Variants in PRRC2C observed in about 807,000 individuals in gnomAD.
The protein encoded by PRRC2C is protein PRRC2C.
A neutral mutation model predicts 317.2 loss-of-function variants in PRRC2C; 72 were observed. The ratio of observed to expected loss-of-function variants is 0.23; its 90% CI spans 0.19 to 0.28. PRRC2C has a LOEUF of 0.28. Ranked by LOEUF, PRRC2C falls within the 10% of genes least tolerant of loss-of-function variation. The probability of loss-of-function intolerance (pLI) is 1.00; values close to 1 mark genes in which losing one functional copy is unlikely to be tolerated. For missense variants in PRRC2C, 3,074 were observed against 3,459.7 expected (o/e 0.89, Z 2.80); for synonymous variants, 1,296 against 1,205.9 (o/e 1.07, Z -1.55).
chr1:171,548,625 A>G (rs919637033), intron 17 of PRRC2C, among the ~76,000 whole-genome samples: 9 of 152,250 alleles, frequency 5.9e-5, no homozygotes, highest in African/African-American at 2.2e-4. Context: ...AAAAAATTAC[A>G]TCACCTGAGG....
At chr1:171,527,281 C>T (rs1322458825) in intron 10 of PRRC2C, among the ~76,000 whole-genome samples, 11 of 149,694 alleles carry the variant, frequency 7.3e-5, no homozygotes, top group South Asian at 6.5e-4. Context: ...TACAGGCACC[C>T]GCCACCACGC....
intron 12 of PRRC2C, among the ~76,000 whole-genome samples, 165 bp from the exon 13 acceptor site, chr1:171,535,263 T>TA: frequency 6.6e-6 from 1 of 152,358 alleles, no homozygotes; most frequent in East Asian, 1.9e-4. Context: ...AATCTAATGT[T>TA]ACCTCATTGA....
intron 1 of PRRC2C, among the ~76,000 whole-genome samples, chr1:171,492,778 A>T (rs566085862): frequency 8.6e-5 from 13 of 151,772 alleles, no homozygotes; most frequent in Admixed American, 5.9e-4. Flanking sequence ...TTAGAGACAG[A>T]GTCTCTCTCT....
At chr1:171,566,952 CTA>C (rs1683772851) in intron 22 of PRRC2C, 109 bp downstream of exon 22, 2 of 1,195,306 alleles carry the variant, frequency 1.7e-6, no homozygotes, top group Non-Finnish European at 2.3e-6. Flanking sequence ...GCATATAACT[CTA>C]TAGATTATTT....
rs369345308 is a variant in PRRC2C at position 171,584,149 on chromosome 1, C to A, written c.7603C>A (p.Leu2535Ile). Reference sequence around the variant, plus strand: ...ACATCAACTGGGGCAGGCATCAGGACTAGGAGGTTCCCAGCTGATTGACAC... The same window carrying A: ...ACATCAACTGGGGCAGGCATCAGGAATAGGAGGTTCCCAGCTGATTGACAC... ...YEHQLGQASGLGGSQLIDTHL... is the reference protein window; with the variant it reads ...YEHQLGQASGIGGSQLIDTHL... Residue 2535 changes from leucine (L) to isoleucine (I), a missense_variant, in exon 29 of 35, where the codon CTA (leucine) becomes ATA (isoleucine). Physicochemically the swap from Leu to Ile is conservative, Grantham distance 5. Around this residue, in one of 11 missense-constraint regions of PRRC2C, gnomAD observed 490 missense variants for 663.1 expected, o/e 0.74. Coordinates refer to ENST00000647382, the MANE Select transcript of PRRC2C (RefSeq NM_001387844.1). 7.1e-5 allele frequency: 115 copies of A among 1,613,814 alleles called. 1 individual carries two copies. The highest frequency in any genetic ancestry group is 9.4e-5 in the Non-Finnish European group (111 of 1,179,826).
At chr1:171,585,055 G>A (rs762788326) in intron 30 of PRRC2C, among the ~76,000 whole-genome samples, 1 of 152,088 alleles carries the variant, frequency 6.6e-6, no homozygotes, top group Non-Finnish European at 1.5e-5. Flanking sequence ...GGGATTACAG[G>A]CTTGAGCCAC....
chr1:171,529,315 GA>G (rs1675341494), intron 11 of PRRC2C, among the ~76,000 whole-genome samples: 1 of 152,090 alleles, frequency 6.6e-6, no homozygotes. Flanking sequence ...TGACTTTTAA[GA>G]GTCATATATT....
At chr1:171,514,016 AC>A (rs1671858764) in intron 3 of PRRC2C, among the ~76,000 whole-genome samples, 2 of 152,178 alleles carry the variant, frequency 1.3e-5, no homozygotes, top group Admixed American at 1.3e-4. Flanking sequence ...AAAACTGTAC[AC>A]CCTTTCAAAA....
intron 1 of PRRC2C, among the ~76,000 whole-genome samples, chr1:171,489,185 T>G (rs1240300573): frequency 6.6e-6 from 1 of 152,234 alleles, no homozygotes; most frequent in African/African-American, 2.4e-5. Context: ...AGTATATTAT[T>G]GGAGCAAAAG....
In PRRC2C at chr1:171,561,526, T is replaced by C. The variant is rs114959197; in HGVS notation, c.6117+423T>C. On this transcript the variant is annotated intron_variant, in intron 20 of 34. Transcript: ENST00000647382. ...AATTAAAACAGATTGCTGAGCCCCA[T>C]GTCCATAGTTCATGACTTATTAGGT... Among the ~76,000 whole-genome samples, 750 of 152,318 alleles carry C rather than the reference T, an allele frequency of 4.9e-3. 1 individual carries two copies. Among genetic ancestry groups the C allele is most frequent in the Middle Eastern group, 0.027 (8 of 294 alleles).
intron 1 of PRRC2C, among the ~76,000 whole-genome samples, chr1:171,506,205 C>T (rs1032400421): frequency 6.6e-6 from 1 of 152,130 alleles, no homozygotes; most frequent in East Asian, 1.9e-4. Context: ...CCAATTTTGC[C>T]TTTATTTTTG....
In PRRC2C at chr1:171,575,084, C is replaced by G. The variant is rs141962520; in HGVS notation, c.6911C>G (p.Pro2304Arg). 2 of 1,613,862 alleles carry G rather than the reference C, an allele frequency of 1.2e-6. No individual in the cohort carries two copies. Among genetic ancestry groups the G allele is most frequent in the Non-Finnish European group, 1.7e-6 (2 of 1,179,862 alleles). Residue 2304 changes from proline (P) to arginine (R), a missense_variant, in exon 25 of 35, where the codon CCC (proline) becomes CGC (arginine). This residue lies in a region of PRRC2C where 490 missense variants were observed against 663.1 expected (regional missense o/e 0.74). Coordinates refer to ENST00000647382, the MANE Select transcript of PRRC2C (RefSeq NM_001387844.1). Reference protein sequence around the residue: ...NYNSFSSASMPQIPVASVTPT... With the variant: ...NYNSFSSASMRQIPVASVTPT... ...AATTCGTTCTCAAGTGCATCCATGC[C>G]CCAGATTCCTGTTGCTTCAGTCACT... is the stretch of plus-strand genomic sequence containing the variant.
intron 20 of PRRC2C, among the ~76,000 whole-genome samples, chr1:171,563,140 G>C (rs997945432): frequency 6.6e-6 from 1 of 152,038 alleles, no homozygotes; most frequent in African/African-American, 2.4e-5. Context: ...GAAAGAGTGA[G>C]TTTAAGAGGA....
At chr1:171,491,252 C>G (rs1667092444) in intron 1 of PRRC2C, among the ~76,000 whole-genome samples, 1 of 152,142 alleles carries the variant, frequency 6.6e-6, no homozygotes, top group Non-Finnish European at 1.5e-5. Context: ...GTTAATAATT[C>G]ATTTTTTCTT....
intron 1 of PRRC2C, among the ~76,000 whole-genome samples, chr1:171,502,216 G>A (rs776670597): frequency 5.9e-5 from 9 of 152,186 alleles, no homozygotes; most frequent in African/African-American, 1.2e-4. Context: ...ACACTTGAAC[G>A]TTCTTAGATT....
At chr1:171,562,172 TG>T (rs1391064834) in intron 20 of PRRC2C, among the ~76,000 whole-genome samples, 7 of 152,198 alleles carry the variant, frequency 4.6e-5, no homozygotes, top group Non-Finnish European at 7.3e-5. Flanking sequence ...GCTATTCAAA[TG>T]TCTGAGGAAA....
In PRRC2C at chr1:171,493,688, C is replaced by T. The variant is rs184252608; in HGVS notation, c.-58+7953C>T. 3.1e-3 allele frequency among the ~76,000 whole-genome samples: 470 copies of T among 152,146 alleles called. 4 individuals are homozygous for T. The highest frequency in any genetic ancestry group is 4.3e-3 in the Admixed American group (66 of 15,284). On this transcript the variant is annotated intron_variant, in intron 1 of 34. Coordinates refer to ENST00000647382, the MANE Select transcript of PRRC2C (RefSeq NM_001387844.1). ...TACAAAAATTAGTCAGTTGTGGTGG[C>T]AGGCGCCTGTAACCCCAGCTACTCA...
intron 16 of PRRC2C, among the ~76,000 whole-genome samples, chr1:171,544,689 A>G (rs954203668): frequency 2.0e-5 from 3 of 152,254 alleles, no homozygotes; most frequent in Non-Finnish European, 2.9e-5. Flanking sequence ...CCACATAGAT[A>G]GATAACAACA....
intron 1 of PRRC2C, among the ~76,000 whole-genome samples, chr1:171,505,384 T>C (rs1286626203): frequency 6.6e-6 from 1 of 152,208 alleles, no homozygotes; most frequent in Non-Finnish European, 1.5e-5. Context: ...CTGTTTCTGA[T>C]TGTTTAGTGC....
Sources: allele counts gnomAD v4.1 joint callset (sites outside exome capture counted in the v4.1 genomes callset), GRCh38; gene constraint gnomAD v4.1.1; regional missense constraint gnomAD v4.1.1; transcripts MANE v1.5; gene names NCBI Gene and HGNC (gene_info 2026-07-23, HGNC 2026-07-21).